Variants in PARD3B observed in about 807,000 individuals in gnomAD.
PARD3B encodes par-3 family cell polarity regulator beta, also known as partitioning defective 3 homolog B.
Under a neutral mutation model 130.2 loss-of-function variants are expected in PARD3B, and 103 were observed. The observed-to-expected ratio is 0.79, with a 90% CI of 0.67 to 0.93. The LOEUF (loss-of-function observed/expected upper bound fraction) is 0.93, where lower values mean the gene tolerates loss of function less well. Ranked by LOEUF, PARD3B falls within the 40% of genes least tolerant of loss-of-function variation. The pLI is 0.00. For synonymous variants in PARD3B, 583 were observed against 553.2 expected (o/e 1.05, Z -0.76); for missense variants, 1,609 against 1,499.2 (o/e 1.07, Z -1.21).
rs187481084 is a variant in PARD3B at position 205,242,283 on chromosome 2, A to G, written c.2141-3495A>G. On this transcript the variant is annotated intron_variant, in intron 15 of 22. Transcript: ENST00000406610. ...GATATAATTTCAAATTGTCAATTAA[A>G]ATAATGATAAGTATAAGAAATAATA... 3.1e-3 allele frequency among the ~76,000 whole-genome samples: 468 copies of G among 152,346 alleles called. 3 individuals are homozygous for G. Among genetic ancestry groups the G allele is most frequent in the Non-Finnish European group, 4.6e-3 (311 of 68,032 alleles).
intron 1 of PARD3B, among the ~76,000 whole-genome samples, chr2:204,586,062 T>G (rs2125087761): frequency 6.6e-6 from 1 of 152,352 alleles, no homozygotes; most frequent in South Asian, 2.1e-4. Flanking sequence ...GAGCTGAGCC[T>G]TGCCAGCCTG....
At position 205,105,853 on chromosome 2, in the gene PARD3B, T is replaced by C. The variant is rs1703167961; in HGVS notation, c.593+1339T>C. On this transcript the variant is annotated intron_variant, in intron 5 of 22. Transcript: ENST00000406610. This position sits in a 1 kb window ranked among gnomAD's most constrained non-coding sequence, Gnocchi z 4.0. Reference sequence around the variant, plus strand: ...AAGCACCATCTTTTCAGAAACTTAATAAGATTATCTAATTATGTCTACCTC... The same window carrying C: ...AAGCACCATCTTTTCAGAAACTTAACAAGATTATCTAATTATGTCTACCTC... Among the ~76,000 whole-genome samples the C allele has an allele frequency of 6.6e-6, 1 of 151,690 alleles. No homozygotes were observed. The highest frequency in any genetic ancestry group is 2.1e-4 in the South Asian group (1 of 4,814).
At chr2:204,594,948 A>G (rs1426018676) in intron 1 of PARD3B, among the ~76,000 whole-genome samples, 1 of 152,196 alleles carries the variant, frequency 6.6e-6, no homozygotes, top group African/African-American at 2.4e-5. Flanking sequence ...TCTAAGTGCA[A>G]AAATTTCAGT....
chr2:205,146,997 T>C lies in PARD3B; in HGVS notation c.1435-11725T>C, dbSNP rs849132. Among the ~76,000 whole-genome samples the C allele has an allele frequency of 0.039, 5,866 of 152,256 alleles. 364 individuals are homozygous for C. The highest frequency in any genetic ancestry group is 0.13 in the African/African-American group (5,489 of 41,544). On this transcript the variant is annotated intron_variant, in intron 10 of 22. Transcript: ENST00000406610. This position sits in a 1 kb window ranked among gnomAD's most constrained non-coding sequence, Gnocchi z 4.3. ...TCCCAAAGTCCTGGGATTACAAGCA[T>C]GAGCCACCGTGCCTGGCCACAGTCA...
intron 21 of PARD3B, among the ~76,000 whole-genome samples, chr2:205,545,431 T>C (rs1475735622): frequency 6.6e-6 from 1 of 152,200 alleles, no homozygotes; most frequent in African/African-American, 2.4e-5. Context: ...CTCCAAAATA[T>C]CTGTCATGAT....
chr2:205,526,767 G>T (rs976267106), intron 21 of PARD3B, among the ~76,000 whole-genome samples: 1 of 152,138 alleles, frequency 6.6e-6, no homozygotes, highest in South Asian at 2.1e-4. Flanking sequence ...TTGCATTTTT[G>T]TATAGTTAAC....
At chr2:205,394,331 C>T (rs932460106) in intron 18 of PARD3B, among the ~76,000 whole-genome samples, 1 of 152,192 alleles carries the variant, frequency 6.6e-6, no homozygotes, top group African/African-American at 2.4e-5. Context: ...TGGATAGAAA[C>T]CATTTTTCTT....
At chr2:204,648,593 AT>A (rs2035356163) in intron 1 of PARD3B, among the ~76,000 whole-genome samples, 1 of 125,822 alleles carries the variant, frequency 7.9e-6, no homozygotes, top group African/African-American at 3.1e-5. Flanking sequence ...ATTATATTAT[AT>A]ATAATATATT....
chr2:204,986,142 C>CATATGCTAG (rs1280158609), intron 3 of PARD3B, among the ~76,000 whole-genome samples: 1 of 151,210 alleles, frequency 6.6e-6, no homozygotes, highest in Non-Finnish European at 1.5e-5. Flanking sequence ...TATCTGGGCC[C>CATATGCTAG]ATATGCTAGG....
At chr2:205,313,369 C>A (rs1001539545) in intron 18 of PARD3B, among the ~76,000 whole-genome samples, 32 of 152,044 alleles carry the variant, frequency 2.1e-4, no homozygotes, top group Non-Finnish European at 4.3e-4. Context: ...TTTGTTTATC[C>A]TTCTGTTTTT....
chr2:204,854,963 G>A (rs998629689), intron 2 of PARD3B, among the ~76,000 whole-genome samples: 7 of 152,090 alleles, frequency 4.6e-5, no homozygotes, highest in African/African-American at 7.2e-5. Flanking sequence ...ACCAGTGGGC[G>A]GTGGATGCGC....
chr2:204,560,224 C>T (rs767779607), intron 1 of PARD3B, among the ~76,000 whole-genome samples: 42 of 152,154 alleles, frequency 2.8e-4, no homozygotes, highest in Non-Finnish European at 4.4e-4. Flanking sequence ...AGGTCTCAGT[C>T]AGACTTCCAA....
chr2:205,573,852 A>C (rs185179968), intron 22 of PARD3B, among the ~76,000 whole-genome samples: 1 of 152,324 alleles, frequency 6.6e-6, no homozygotes, highest in Admixed American at 6.5e-5. Flanking sequence ...TGCAGACTAG[A>C]CAAGTTAACA....
intron 4 of PARD3B, among the ~76,000 whole-genome samples, chr2:205,092,993 C>A (rs775495222): frequency 3.9e-5 from 6 of 152,104 alleles, no homozygotes; most frequent in Non-Finnish European, 8.8e-5. Context: ...TCTTTTACTT[C>A]AATTATTTCA....
rs111744686 is a variant in PARD3B, at chr2:204,862,768, G to C, written c.223-102384G>C. Among the ~76,000 whole-genome samples the C allele has an allele frequency of 3.3e-3, 497 of 152,214 alleles. 1 individual carries two copies. The highest frequency in any genetic ancestry group is 5.9e-3 in the Admixed American group (90 of 15,288). ...TTCCCCTCAGTTTAGTTTAAACCAG[G>C]TTCTTGTCACACGACCAGGAAAGAT... On this transcript the variant is annotated intron_variant, in intron 2 of 22. Coordinates refer to ENST00000406610, the MANE Select transcript of PARD3B (RefSeq NM_001302769.2).
chr2:204,798,667 G>A (rs1426502618), intron 2 of PARD3B, among the ~76,000 whole-genome samples: 1 of 152,014 alleles, frequency 6.6e-6, no homozygotes, highest in East Asian at 1.9e-4. Flanking sequence ...AGAGTAAAGA[G>A]GACTTTCTAT....
At chr2:205,245,484 C>CGG (rs2039533020) in intron 15 of PARD3B, among the ~76,000 whole-genome samples, 1 of 152,036 alleles carries the variant, frequency 6.6e-6, no homozygotes, top group East Asian at 1.9e-4. Flanking sequence ...GGTTTCTCCT[C>CGG]TTGTAAATGT....
At position 205,158,637 on chromosome 2, in the gene PARD3B, T is replaced by G; in HGVS notation, c.1435-85T>G. 7.5e-7 allele frequency: 1 copy of G among 1,331,436 alleles called. No homozygotes were observed. Among genetic ancestry groups the G allele is most frequent in the South Asian group, 1.4e-5 (1 of 72,832 alleles). 82.5% of individuals were successfully genotyped at this position (1,331,436 alleles called of 1,614,324 possible). On this transcript the variant is annotated intron_variant, in intron 10 of 22. Coordinates refer to ENST00000406610, the MANE Select transcript of PARD3B (RefSeq NM_001302769.2). The surrounding 1 kb of genome is among the most constrained non-coding windows in gnomAD (Gnocchi z 5.4). ...AGGTCCAGTCATCCTGTCCTACTGA[T>G]TGCATCTGTGTCTGGTCATCTGAGA...
intron 1 of PARD3B, among the ~76,000 whole-genome samples, chr2:204,614,193 A>G (rs1229637502): frequency 1.3e-5 from 2 of 152,202 alleles, no homozygotes; most frequent in Non-Finnish European, 2.9e-5. Context: ...AATACAAGCT[A>G]CATATGCAAT....
Sources: gnomAD v4.1 joint callset for allele counts (sites outside exome capture counted in the v4.1 genomes callset) on GRCh38, gnomAD v4.1.1 for gene constraint, Gnocchi (gnomAD v3.1) non-coding constraint, MANE v1.5 for transcripts, NCBI Gene and HGNC (gene_info 2026-07-23, HGNC 2026-07-21) for gene names.